The following RIN2 variants were observed in gnomAD, a reference collection of about 807,000 sequenced individuals.
RIN2 encodes the protein RAB5 interacting protein 2.
Under a neutral mutation model 78.0 loss-of-function variants are expected in RIN2, and 36 were observed. The ratio of observed to expected loss-of-function variants is 0.46; its 90% CI spans 0.35 to 0.61. The LOEUF (loss-of-function observed/expected upper bound fraction) is 0.61. Among genes scored for constraint, RIN2 ranks in the 20% least tolerant of loss-of-function variants. The pLI is 0.00. For synonymous variants in RIN2, 466 were observed against 466.8 expected (o/e 1.00, Z 0.02); for missense variants, 1,087 against 1,159.7 (o/e 0.94, Z 0.91).
intron 2 of RIN2, among the ~76,000 whole-genome samples, chr20:19,877,928 G>A (rs900154494): frequency 2.0e-5 from 3 of 152,186 alleles, no homozygotes; most frequent in Non-Finnish European, 4.4e-5. Context: ...GCTGTGGTGG[G>A]AGTATCACTT....
At chr20:19,787,697 A>C (rs1313258749) in intron 1 of RIN2, among the ~76,000 whole-genome samples, 1 of 152,214 alleles carries the variant, frequency 6.6e-6, no homozygotes, top group Non-Finnish European at 1.5e-5. Context: ...AATGTCAAGC[A>C]TATACTGAGT....
At chr20:19,889,481 C>T (rs2038343656) in intron 2 of RIN2, 85 bp from the exon 3 acceptor site, 2 of 1,311,632 alleles carry the variant, frequency 1.5e-6, no homozygotes, top group East Asian at 2.7e-5. Flanking sequence ...AAGATCTTGG[C>T]AGGACTGTTG....
intron 1 of RIN2, among the ~76,000 whole-genome samples, chr20:19,792,344 AACC>A (rs2034913718): frequency 1.3e-5 from 2 of 152,230 alleles, no homozygotes; most frequent in African/African-American, 4.8e-5. Context: ...GCTTTACCTT[AACC>A]AAATATTGAC....
At chr20:19,953,084 A>G (rs1436491370) in intron 4 of RIN2, among the ~76,000 whole-genome samples, 1 of 152,218 alleles carries the variant, frequency 6.6e-6, no homozygotes, top group East Asian at 1.9e-4. Context: ...TTTGACAAAT[A>G]CTGATCCAAA....
chr20:19,810,879 T>TG (rs1491100736), intron 2 of RIN2, among the ~76,000 whole-genome samples: 106 of 87,568 alleles, frequency 1.2e-3, no homozygotes, highest in East Asian at 3.4e-3. Flanking sequence ...TGTGTGTGTG[T>TG]TTTTTTTTTT....
chr20:19,982,685 C>A (rs13433256), intron 9 of RIN2, among the ~76,000 whole-genome samples: 3,201 of 152,254 alleles, frequency 0.021, 85 homozygotes, highest in African/African-American at 0.06. Flanking sequence ...TGCCCACTGA[C>A]ACTTGCTTAC....
At chr20:19,789,696 A>G (rs1377652692) in intron 1 of RIN2, among the ~76,000 whole-genome samples, 2 of 152,080 alleles carry the variant, frequency 1.3e-5, no homozygotes, top group African/African-American at 2.4e-5. Context: ...GGGACATCCA[A>G]CTATTGCCTG....
intron 2 of RIN2, among the ~76,000 whole-genome samples, chr20:19,878,141 C>T (rs1398339140): frequency 6.6e-6 from 1 of 152,220 alleles, no homozygotes; most frequent in South Asian, 2.1e-4. Flanking sequence ...AGCCTCACCC[C>T]TCCTCGTGGA....
intron 3 of RIN2, among the ~76,000 whole-genome samples, chr20:19,921,892 GTCTC>G (rs2039942085): frequency 6.6e-6 from 1 of 151,826 alleles, no homozygotes; most frequent in African/African-American, 2.4e-5. Context: ...TTGTGACAGG[GTCTC>G]TCTCTGTCAC....
At chr20:19,884,735 G>A (rs1347374951) in intron 2 of RIN2, among the ~76,000 whole-genome samples, 2 of 152,098 alleles carry the variant, frequency 1.3e-5, no homozygotes, top group African/African-American at 4.8e-5. Flanking sequence ...GATAATTATG[G>A]AAATATTCAG....
intron 3 of RIN2, among the ~76,000 whole-genome samples, chr20:19,926,592 T>A (rs540638234): frequency 6.6e-6 from 1 of 152,036 alleles, no homozygotes; most frequent in South Asian, 2.1e-4. Context: ...GGGAACTGTT[T>A]GGGTAATGCG....
chr20:19,944,183 T>C (rs2040994810), intron 4 of RIN2, among the ~76,000 whole-genome samples: 1 of 152,128 alleles, frequency 6.6e-6, no homozygotes, highest in Admixed American at 6.5e-5. Flanking sequence ...ATTTGTCCTG[T>C]GCCAAAGATT....
intron 3 of RIN2, among the ~76,000 whole-genome samples, chr20:19,902,821 C>T (rs1251813634): frequency 1.3e-5 from 2 of 152,118 alleles, no homozygotes; most frequent in Non-Finnish European, 2.9e-5. Flanking sequence ...TGGCCGGGCA[C>T]GGTGGCTCAC....
intron 2 of RIN2, among the ~76,000 whole-genome samples, chr20:19,888,809 C>T (rs1026066391): frequency 6.6e-6 from 1 of 152,212 alleles, no homozygotes; most frequent in Non-Finnish European, 1.5e-5. Context: ...TAACTTAGAA[C>T]TGAATGTTGA....
intron 2 of RIN2, among the ~76,000 whole-genome samples, chr20:19,805,497 G>C (rs1031095960): frequency 1.3e-5 from 2 of 152,134 alleles, no homozygotes; most frequent in Non-Finnish European, 2.9e-5. Flanking sequence ...CACCTCCTGG[G>C]TTCAAGCAGT....
In RIN2 at chr20:19,935,314, A is replaced by G. The variant is rs2040596038; in HGVS notation, c.158+115A>G. On this transcript the variant is annotated intron_variant, in intron 4 of 12. Coordinates refer to ENST00000255006, the MANE Select transcript of RIN2 (RefSeq NM_018993.4). ...GAAGTCTGGGAGCTGGGAGTGTGGT[A>G]GCAGCTCTAGATGAAATCCTCTGTA... The G allele has an allele frequency of 1.5e-5, 19 of 1,242,340 alleles. No individual in the cohort carries two copies. The South Asian group carries it at 3.0e-4, about 19-fold the overall frequency. The allele number at this position is 1,242,340 out of a possible 1,614,324, so 77.0% of individuals were successfully genotyped here.
chr20:19,768,293 G>C (rs1422948408), intron 1 of RIN2, among the ~76,000 whole-genome samples: 1 of 152,252 alleles, frequency 6.6e-6, no homozygotes, highest in Non-Finnish European at 1.5e-5. Flanking sequence ...GAAAACAGGA[G>C]AGTGGGGAAA....
At chr20:19,865,510 A>T (rs2037478041) in intron 2 of RIN2, among the ~76,000 whole-genome samples, 2 of 100,380 alleles carry the variant, frequency 2.0e-5, no homozygotes, top group South Asian at 2.8e-4. Context: ...TTTTGGCAAC[A>T]GTGTCTTGCT....
rs2036585710 is a variant in RIN2, at chr20:19,841,805, C to A, written c.-37+42058C>A. Among the ~76,000 whole-genome samples, 4 of 152,194 alleles carry A rather than the reference C, an allele frequency of 2.6e-5. No individual in the cohort carries two copies. The South Asian group carries it at 8.3e-4, about 31-fold the overall frequency. ...CTGCAGAAGAAAAGTTTGAAGCTAA[C>A]AAAGTTAGTTCATGAGATTTAAGAA... On this transcript the variant is annotated intron_variant, in intron 2 of 12. Coordinates refer to ENST00000255006, the MANE Select transcript of RIN2 (RefSeq NM_018993.4).
Sources: gnomAD v4.1 joint callset for allele counts (sites outside exome capture counted in the v4.1 genomes callset) on GRCh38, gnomAD v4.1.1 for gene constraint, MANE v1.5 for transcripts, NCBI Gene and HGNC (gene_info 2026-07-23, HGNC 2026-07-21) for gene names.